Variants in CCDC158 observed in about 807,000 individuals in gnomAD.
CCDC158 encodes the protein coiled-coil domain-containing protein 158.
Under a neutral mutation model 138.6 loss-of-function variants are expected in CCDC158, and 116 were observed. The observed-to-expected ratio is 0.84, with a 90% CI of 0.72 to 0.98. The LOEUF (loss-of-function observed/expected upper bound fraction) is 0.98, where lower values mean the gene tolerates loss of function less well. Ranked by LOEUF, CCDC158 falls within the 50% of genes least tolerant of loss-of-function variation. The probability of loss-of-function intolerance (pLI) is 0.00; values close to 1 mark genes in which losing one functional copy is unlikely to be tolerated. For missense variants in CCDC158, 1,265 were observed against 1,306.1 expected (o/e 0.97, Z 0.48); for synonymous variants, 436 against 442.4 (o/e 0.99, Z 0.18).
At chr4:76,368,347 C>A (rs1383716948) in intron 11 of CCDC158, among the ~76,000 whole-genome samples, 1 of 152,118 alleles carries the variant, frequency 6.6e-6, no homozygotes, top group African/African-American at 2.4e-5. Flanking sequence ...TGGCTTTTAT[C>A]CACACACACA....
chr4:76,414,367 G>C (rs1257625723), intron 1 of CCDC158: 1 of 152,014 alleles, frequency 6.6e-6, no homozygotes, highest in Non-Finnish European at 1.5e-5. Context: ...ACCATATTCT[G>C]TTAAGTTTAA....
At chr4:76,330,884 C>T (rs917581654) in intron 21 of CCDC158, among the ~76,000 whole-genome samples, 4 of 152,092 alleles carry the variant, frequency 2.6e-5, no homozygotes, top group Non-Finnish European at 2.9e-5. Context: ...TAGAAAGATT[C>T]AAATTCACTG....
chr4:76,331,244 C>T (rs1046076139), intron 21 of CCDC158, 100 bp downstream of exon 21: 2 of 1,006,114 alleles, frequency 2.0e-6, no homozygotes, highest in African/African-American at 3.2e-5. Flanking sequence ...TAAGGGTCTA[C>T]TGCAGTGCAT....
intron 12 of CCDC158, among the ~76,000 whole-genome samples, chr4:76,365,797 A>C (rs1429642416): frequency 1.3e-5 from 2 of 152,156 alleles, no homozygotes; most frequent in Non-Finnish European, 2.9e-5. Context: ...ACCCCATCCT[A>C]GACCTACTGA....
At chr4:76,339,185 A>G (rs1362945109) in intron 18 of CCDC158, among the ~76,000 whole-genome samples, 1 of 152,192 alleles carries the variant, frequency 6.6e-6, no homozygotes, top group East Asian at 1.9e-4. Flanking sequence ...ATGAACATGA[A>G]GAACAGAAGC....
chr4:76,331,344 CTACT>C lies in CCDC158; in HGVS notation c.2938_2941del (p.Ser980GlufsTer28), dbSNP rs777839658. 2.5e-6 allele frequency: 4 copies of C among 1,613,550 alleles called. No individual in the cohort carries two copies. Among genetic ancestry groups the C allele is most frequent in the Non-Finnish European group, 3.4e-6 (4 of 1,179,480 alleles). On this transcript the variant is annotated frameshift_variant and splice_region_variant, in exon 21 of 25. Coordinates refer to ENST00000682701, the MANE Select transcript of CCDC158 (RefSeq NM_001394954.1). LOFTEE classifies it high-confidence loss of function. Reference sequence around the variant, plus strand: ...GAAAATGGGGGCTGGTATTTCCTACCTACTAAGAGTTTCACTTGATTTGCTTCCT... The same window carrying C: ...GAAAATGGGGGCTGGTATTTCCTACCAAGAGTTTCACTTGATTTGCTTCCT...
rs373575706 is a variant in CCDC158 at position 76,367,594 on chromosome 4, T to C, written c.1530A>G (p.Arg510=). The part of the protein sequence containing the change: ...DLTTSLQEKE[R]AIEATNAEIT... ...TCTCTGCATTGGTAGCCTCGATGGC[T>C]CTCTCTTTTTCCTGGAGAGAAGTTG... Residue 510 remains arginine, a synonymous_variant, in exon 12 of 25, where the codon AGA becomes AGG. Transcript: ENST00000682701. 14 of 1,614,092 alleles carry C rather than the reference T, an allele frequency of 8.7e-6. No individual in the cohort carries two copies. In the Admixed American group the frequency reaches 2.0e-4, roughly 23 times the overall value.
chr4:76,391,562 C>T (rs886584605), intron 4 of CCDC158, among the ~76,000 whole-genome samples: 5 of 151,180 alleles, frequency 3.3e-5, no homozygotes, highest in African/African-American at 1.2e-4. Flanking sequence ...CTATTAAGTG[C>T]CTACTTCAAA....
intron 22 of CCDC158, among the ~76,000 whole-genome samples, chr4:76,327,593 G>A (rs1184127389): frequency 2.0e-5 from 3 of 152,102 alleles, no homozygotes; most frequent in Admixed American, 1.3e-4. Context: ...ACACACTGTG[G>A]TATGACATTA....
chr4:76,331,424 G>A, intron 20 of CCDC158, 21 bp from the exon 21 acceptor site: 1 of 1,602,758 alleles, frequency 6.2e-7, no homozygotes, highest in Non-Finnish European at 8.5e-7. Flanking sequence ...AGGGATGGGA[G>A]AAATCACAGT....
intron 23 of CCDC158, among the ~76,000 whole-genome samples, chr4:76,324,351 C>T (rs1168131093): frequency 6.6e-6 from 1 of 151,964 alleles, no homozygotes. Flanking sequence ...CCACGCCCGG[C>T]TAATTTTGTA....
chr4:76,409,229 T>G (rs922644612), intron 2 of CCDC158, among the ~76,000 whole-genome samples: 5 of 152,212 alleles, frequency 3.3e-5, no homozygotes, highest in African/African-American at 4.8e-5. Context: ...TTCTCTACTT[T>G]TGTGACACTA....
Position 76,323,441 on chromosome 4 carries a change from A to G in CCDC158, c.3170-32T>C, listed in dbSNP as rs774751704. 101 of 1,471,818 alleles carry G rather than the reference A, an allele frequency of 6.9e-5. No individual in the cohort carries two copies. The Admixed American group carries it at 1.9e-3, about 28-fold the overall frequency. The allele number at this position is 1,471,818 out of a possible 1,614,324, so 91.2% of individuals were successfully genotyped here. ...GAAAATTGCTTAGATGTGATATTAAAAGTCTACTCAACATTTCCTTTTAGA... is the reference window on the plus strand; with the variant it reads ...GAAAATTGCTTAGATGTGATATTAAGAGTCTACTCAACATTTCCTTTTAGA... On this transcript the variant is annotated intron_variant, in intron 23 of 24. Coordinates refer to ENST00000682701, the MANE Select transcript of CCDC158 (RefSeq NM_001394954.1).
chr4:76,379,952 C>G (rs539982663), intron 8 of CCDC158, among the ~76,000 whole-genome samples: 2 of 152,242 alleles, frequency 1.3e-5, no homozygotes, highest in East Asian at 1.9e-4. Context: ...GCACTTCCCC[C>G]CTTTCCTGCT....
intron 9 of CCDC158, among the ~76,000 whole-genome samples, chr4:76,377,184 A>C (rs557138826): frequency 2.0e-5 from 3 of 152,234 alleles, no homozygotes; most frequent in Non-Finnish European, 4.4e-5. Flanking sequence ...GCAAATTAGC[A>C]AACAATGGGT....
At chr4:76,350,143 T>C (rs1722917343) in intron 18 of CCDC158, among the ~76,000 whole-genome samples, 1 of 152,254 alleles carries the variant, frequency 6.6e-6, no homozygotes, top group Admixed American at 6.5e-5. Flanking sequence ...TGTGCATCTC[T>C]GAATTTCAGT....
chr4:76,413,892 A>T (rs918517923), intron 1 of CCDC158, among the ~76,000 whole-genome samples: 2 of 152,234 alleles, frequency 1.3e-5, no homozygotes, highest in African/African-American at 4.8e-5. Context: ...TATTTTGTTA[A>T]AAATGTTTGG....
rs576068487 is a variant in CCDC158 at position 76,407,171 on chromosome 4, C to A, written c.-73-3891G>T. ...TAAAGTCTCTAAAAATTTAAAAAAA[C>A]CCTGAGCTTAACAGTTTTTATTAAA... On this transcript the variant is annotated intron_variant, in intron 2 of 24. Transcript: ENST00000682701. 5 of 152,148 alleles carry A rather than the reference C, an allele frequency of 3.3e-5. No homozygotes were observed. The East Asian group carries it at 5.8e-4, about 18-fold the overall frequency. 9.4% of individuals were successfully genotyped at this position (152,148 alleles called of 1,614,324 possible).
chr4:76,314,675 G>C (rs76515271), intron 24 of CCDC158, among the ~76,000 whole-genome samples: 4 of 152,114 alleles, frequency 2.6e-5, no homozygotes, highest in Non-Finnish European at 1.5e-5. Flanking sequence ...CAAATTTAGC[G>C]CAAAATATAA....
Sources: gnomAD v4.1 joint callset for allele counts (sites outside exome capture counted in the v4.1 genomes callset) on GRCh38, gnomAD v4.1.1 for gene constraint, MANE v1.5 for transcripts, NCBI Gene and HGNC (gene_info 2026-07-23, HGNC 2026-07-21) for gene names.